ANKS1B: variants seen among roughly 807,000 people sequenced by gnomAD.
ANKS1B encodes ankyrin repeat and sterile alpha motif domain containing 1B.
Under a neutral mutation model 148.3 loss-of-function variants are expected in ANKS1B, and 36 were observed. That is an observed-to-expected ratio of 0.24 (90% CI 0.19 to 0.32). ANKS1B has a LOEUF of 0.32. ANKS1B is among the 10% of genes least tolerant of loss of function. The pLI is 1.00. For synonymous variants in ANKS1B, 542 were observed against 560.8 expected (o/e 0.97, Z 0.47); for missense variants, 1,157 against 1,542.6 (o/e 0.75, Z 4.19).
intron 12 of ANKS1B, among the ~76,000 whole-genome samples, chr12:99,393,669 T>C (rs2094150252): frequency 6.6e-6 from 1 of 152,176 alleles, no homozygotes; most frequent in African/African-American, 2.4e-5. Context: ...CTGATAATTA[T>C]AATCATTCCT....
intron 9 of ANKS1B, among the ~76,000 whole-genome samples, chr12:99,612,219 G>T (rs2097908871): frequency 6.6e-6 from 1 of 151,968 alleles, no homozygotes; most frequent in African/African-American, 2.4e-5. Flanking sequence ...AAAGATTAAT[G>T]GTCATCTGAA....
intron 1 of ANKS1B, among the ~76,000 whole-genome samples, chr12:99,886,782 TCTA>T (rs1444268454): frequency 6.6e-6 from 1 of 152,082 alleles, no homozygotes; most frequent in Non-Finnish European, 1.5e-5. Context: ...TACATATGAG[TCTA>T]CTAACTGTTG....
At chr12:99,674,598 C>A (rs974951908) in intron 8 of ANKS1B, among the ~76,000 whole-genome samples, 16 of 151,480 alleles carry the variant, frequency 1.1e-4, no homozygotes, top group Non-Finnish European at 1.9e-4. Flanking sequence ...AAAGAAGCAC[C>A]AAAGTTTATA....
At chr12:99,872,412 A>G (rs1051265609) in intron 1 of ANKS1B, among the ~76,000 whole-genome samples, 2 of 152,072 alleles carry the variant, frequency 1.3e-5, no homozygotes, top group Non-Finnish European at 2.9e-5. Flanking sequence ...TATGTATGAT[A>G]TACTTCAATT....
chr12:99,905,967 G>C (rs2093764036), intron 1 of ANKS1B, among the ~76,000 whole-genome samples: 1 of 152,208 alleles, frequency 6.6e-6, no homozygotes, highest in African/African-American at 2.4e-5. Flanking sequence ...ACAGAGGTTA[G>C]ATGAATCCAA....
intron 8 of ANKS1B, among the ~76,000 whole-genome samples, chr12:99,730,782 C>A (rs1400323862): frequency 6.6e-6 from 1 of 152,056 alleles, no homozygotes; most frequent in Non-Finnish European, 1.5e-5. Flanking sequence ...TCTCAGTTCC[C>A]CATAGAGTCT....
chr12:99,517,089 G>A (rs1053040505), intron 9 of ANKS1B, among the ~76,000 whole-genome samples: 2 of 152,022 alleles, frequency 1.3e-5, no homozygotes, highest in African/African-American at 2.4e-5. Context: ...CATTAAATCT[G>A]TACATTGCTT....
At chr12:99,652,693 T>A (rs2098428533) in intron 9 of ANKS1B, among the ~76,000 whole-genome samples, 1 of 152,154 alleles carries the variant, frequency 6.6e-6, no homozygotes, top group South Asian at 2.1e-4. Context: ...TCAAGTCAGC[T>A]GCTAGTTTTA....
At chr12:98,968,780 A>AGGAG (rs1568087914) in intron 17 of ANKS1B, among the ~76,000 whole-genome samples, 1 of 141,524 alleles carries the variant, frequency 7.1e-6, no homozygotes, top group Admixed American at 6.9e-5. Flanking sequence ...CCTTGTGCCT[A>AGGAG]GGAGGGAGGG....
chr12:99,654,735 T>C (rs1038802080), intron 9 of ANKS1B, among the ~76,000 whole-genome samples: 1 of 152,160 alleles, frequency 6.6e-6, no homozygotes, highest in Non-Finnish European at 1.5e-5. Flanking sequence ...CTTATATCTG[T>C]AGACAACTTT....
At chr12:99,290,417 T>C (rs1352309610) in intron 12 of ANKS1B, among the ~76,000 whole-genome samples, 1 of 151,950 alleles carries the variant, frequency 6.6e-6, no homozygotes, top group African/African-American at 2.4e-5. Context: ...ACTCATTCTA[T>C]GAAGCCAGTA....
intron 1 of ANKS1B, among the ~76,000 whole-genome samples, chr12:99,846,546 T>C (rs74871831): frequency 0.013 from 2,024 of 152,292 alleles, 50 homozygotes; most frequent in African/African-American, 0.046. Flanking sequence ...TCCTCTTTTA[T>C]TTCAGAAATA....
At chr12:99,283,458 T>A (rs887880956) in intron 12 of ANKS1B, among the ~76,000 whole-genome samples, 1 of 152,182 alleles carries the variant, frequency 6.6e-6, no homozygotes, top group East Asian at 1.9e-4. Context: ...TCTCTTCCTG[T>A]GTTTTGTGAG....
chr12:99,814,031 T>C (rs1250384067), intron 2 of ANKS1B, among the ~76,000 whole-genome samples: 1 of 151,730 alleles, frequency 6.6e-6, no homozygotes, highest in African/African-American at 2.4e-5. Context: ...AAATACTTTC[T>C]GTATCTATTG....
At chr12:99,632,758 TATATATA>T (rs1567522908) in intron 9 of ANKS1B, among the ~76,000 whole-genome samples, 4 of 87,312 alleles carry the variant, frequency 4.6e-5, no homozygotes, top group African/African-American at 1.2e-4. Flanking sequence ...TATATATATA[TATATATA>T]TATTTTAATT....
chr12:99,167,826 CA>C (rs2077337146), intron 14 of ANKS1B, among the ~76,000 whole-genome samples: 1 of 152,138 alleles, frequency 6.6e-6, no homozygotes, highest in Non-Finnish European at 1.5e-5. Flanking sequence ...AATGGATAAA[CA>C]AATTGTGGCA....
intron 24 of ANKS1B, among the ~76,000 whole-genome samples, chr12:98,779,247 A>G (rs1438311670): frequency 6.6e-6 from 1 of 152,250 alleles, no homozygotes; most frequent in African/African-American, 2.4e-5. Flanking sequence ...CAATTGAAGT[A>G]GAAGTATCTC....
chr12:99,053,400 T>C (rs2099967510), intron 16 of ANKS1B, 91 bp from the exon 17 acceptor site: 1 of 1,017,142 alleles, frequency 9.8e-7, no homozygotes, highest in Non-Finnish European at 1.3e-6. Context: ...TTATTTGACA[T>C]GAAGAACAGA....
chr12:98,945,992 T>A (rs2099844896), intron 17 of ANKS1B, among the ~76,000 whole-genome samples: 1 of 152,154 alleles, frequency 6.6e-6, no homozygotes. Flanking sequence ...ACCTTCTCCA[T>A]CCCCTTTTGA....
Sources: gnomAD v4.1 joint callset for allele counts (sites outside exome capture counted in the v4.1 genomes callset) on GRCh38, gnomAD v4.1.1 for gene constraint, MANE v1.5 for transcripts, NCBI Gene and HGNC (gene_info 2026-07-23, HGNC 2026-07-21) for gene names.